SULT4A1: variants seen among roughly 807,000 people sequenced by gnomAD.
SULT4A1 encodes sulfotransferase 4A1.
Under a neutral mutation model 35.2 loss-of-function variants are expected in SULT4A1, and 11 were observed. The ratio of observed to expected loss-of-function variants is 0.31; its 90% CI spans 0.20 to 0.52. The LOEUF (loss-of-function observed/expected upper bound fraction) is 0.52, where lower values mean the gene tolerates loss of function less well. Ranked by LOEUF, SULT4A1 falls within the 20% of genes least tolerant of loss-of-function variation. SULT4A1 has a pLI of 0.97. For synonymous variants in SULT4A1, 152 were observed against 151.8 expected, an observed-to-expected ratio of 1.00 and a Z score of -0.01; for missense variants, 271 against 383.7, an observed-to-expected ratio of 0.71 and a Z score of 2.45.
chr22:43,835,300 C>T (rs890934272), intron 4 of SULT4A1, among the ~76,000 whole-genome samples: 1 of 152,230 alleles, frequency 6.6e-6, no homozygotes, highest in South Asian at 2.1e-4. Flanking sequence ...TGCCACATGC[C>T]GTGCCCACCA....
At chr22:43,830,376 T>C (rs1393469044) in intron 5 of SULT4A1, among the ~76,000 whole-genome samples, 2 of 152,228 alleles carry the variant, frequency 1.3e-5, no homozygotes, top group African/African-American at 4.8e-5. Context: ...GGCAGCTCAC[T>C]GCGGCGTGAC....
rs566952474 is a variant in SULT4A1 at position 43,843,935 on chromosome 22, T to C, written c.170-2003A>G. Among the ~76,000 whole-genome samples the C allele has an allele frequency of 2.0e-5, 3 of 152,206 alleles. No homozygotes were observed. In the South Asian group the frequency reaches 6.3e-4, roughly 32 times the overall value. ...AGGCAAAACAACCTGGGGCTTGTGG[T>C]TGGCATCAGAACTGGGGGCAGTCTT... On this transcript the variant is annotated intron_variant, in intron 1 of 6. Coordinates refer to ENST00000330884, the MANE Select transcript of SULT4A1 (RefSeq NM_014351.4).
At position 43,841,888 on chromosome 22, in the gene SULT4A1, C is replaced by T. The variant is rs920743123; in HGVS notation, c.214G>A (p.Ala72Thr). The T allele has an allele frequency of 3.1e-6, 5 of 1,613,790 alleles. No individual in the cohort carries two copies. The highest frequency in any genetic ancestry group is 1.3e-5 in the African/African-American group (1 of 74,940). Residue 72 changes from alanine (A) to threonine (T), a missense_variant, in exon 2 of 7, where the codon GCT (alanine) becomes ACT (threonine). Around this residue, in one of 3 missense-constraint regions of SULT4A1, gnomAD observed 164 missense variants for 254.1 expected, o/e 0.65. Transcript: ENST00000330884. ...QEVVYLVSQG[A>T]DPDEIGLMNI... Reference sequence around the variant, plus strand: ...ATCAAGCCGATCTCATCGGGGTCAGCGCCCTGGCTCACCAAGTAGACCACC... The same window carrying T: ...ATCAAGCCGATCTCATCGGGGTCAGTGCCCTGGCTCACCAAGTAGACCACC...
chr22:43,828,260 C>A (rs1464720971), intron 6 of SULT4A1, among the ~76,000 whole-genome samples: 1 of 152,242 alleles, frequency 6.6e-6, no homozygotes, highest in African/African-American at 2.4e-5. Context: ...TTCATACTTA[C>A]CAACAGGGGG....
chr22:43,830,085 T>C (rs1603403984), intron 5 of SULT4A1, among the ~76,000 whole-genome samples: 1 of 152,170 alleles, frequency 6.6e-6, no homozygotes, highest in Non-Finnish European at 1.5e-5. Context: ...GCAGCAGCGG[T>C]TGCAGGTCTG....
intron 1 of SULT4A1, among the ~76,000 whole-genome samples, chr22:43,842,820 G>C (rs2148291947): frequency 6.6e-6 from 1 of 152,288 alleles, no homozygotes; most frequent in South Asian, 2.1e-4. Context: ...GCTATTAACT[G>C]GGTCTGGTGG....
At chr22:43,848,472 G>A (rs1022061491) in intron 1 of SULT4A1, among the ~76,000 whole-genome samples, 5 of 152,206 alleles carry the variant, frequency 3.3e-5, no homozygotes, top group Admixed American at 3.3e-4. Flanking sequence ...AGCAGGCAAA[G>A]CAATGCCCAC....
chr22:43,836,397 C>A, intron 4 of SULT4A1, among the ~76,000 whole-genome samples: 2 of 130,020 alleles, frequency 1.5e-5, no homozygotes, highest in South Asian at 2.8e-4. Flanking sequence ...GTCTACACAG[C>A]GTCCTCACAC....
chr22:43,858,077 GAAAAAA>G (rs1285293121), intron 1 of SULT4A1, among the ~76,000 whole-genome samples: 3 of 135,888 alleles, frequency 2.2e-5, no homozygotes, highest in Admixed American at 7.4e-5. Context: ...AGGAAAGAAA[GAAAAAA>G]AAAGAAAGAA....
intron 4 of SULT4A1, among the ~76,000 whole-genome samples, chr22:43,835,730 T>A (rs2063365722): frequency 1.3e-5 from 2 of 152,146 alleles, no homozygotes. Flanking sequence ...AAACCCCACT[T>A]CATTCCAAGG....
Position 43,862,342 on chromosome 22 carries a change from T to C in SULT4A1, c.41A>G (p.Glu14Gly), listed in dbSNP as rs1469551019. ...GAACTCGAAGTACTTGCTCTCGAACTCCCCCGGGGTGCTGGGGGTCTCGGC... is the reference window on the plus strand; with the variant it reads ...GAACTCGAAGTACTTGCTCTCGAACCCCCCCGGGGTGCTGGGGGTCTCGGC... ...SEAETPSTPG[E>G]FESKYFEFHG... Residue 14 changes from glutamate (E) to glycine (G), a missense_variant, in exon 1 of 7, where the codon GAG becomes GGG. Physicochemically the swap from Glu to Gly is moderately conservative, Grantham distance 98 (BLOSUM62 -2). Coordinates refer to ENST00000330884, the MANE Select transcript of SULT4A1 (RefSeq NM_014351.4). 1 of 1,534,140 alleles carries C rather than the reference T, an allele frequency of 6.5e-7. No individual in the cohort carries two copies. The highest frequency in any genetic ancestry group is 2.7e-5 in the East Asian group (1 of 36,542).
At chr22:43,839,115 G>A (rs574642394) in intron 3 of SULT4A1, 122 bp from the exon 4 acceptor site, 27 of 1,319,730 alleles carry the variant, frequency 2.0e-5, no homozygotes, top group Non-Finnish European at 2.3e-5. Flanking sequence ...TGCTTCCAGC[G>A]TCCAGCTGGG....
At chr22:43,842,975 A>ATCTCTCTCTCTCTCTCTCTCTCTCTCTC (rs695712) in intron 1 of SULT4A1, among the ~76,000 whole-genome samples, 1 of 144,480 alleles carries the variant, frequency 6.9e-6, no homozygotes, top group African/African-American at 2.6e-5. Flanking sequence ...AGTAAACAGC[A>ATCTCTCTCTCTCTCTCTCTCTCTCTCTC]TCTCTCTCTC....
chr22:43,840,061 A>G, intron 2 of SULT4A1, 36 bp from the exon 3 acceptor site: 1 of 1,557,860 alleles, frequency 6.4e-7, no homozygotes, highest in Non-Finnish European at 8.7e-7. Context: ...GGTCAGAGGA[A>G]AGGGTGAGAC....
chr22:43,848,641 G>T (rs1273904942), intron 1 of SULT4A1, among the ~76,000 whole-genome samples: 1 of 152,262 alleles, frequency 6.6e-6, no homozygotes, highest in Non-Finnish European at 1.5e-5. Context: ...AGTGAGAGGT[G>T]GAGGAGTCCT....
chr22:43,827,345 G>C, intron 6 of SULT4A1: 5 of 985,340 alleles, frequency 5.1e-6, no homozygotes, highest in Non-Finnish European at 6.0e-6. Context: ...TTTCTCTTTG[G>C]TAACAAAAAA....
At chr22:43,857,636 A>T (rs1483885755) in intron 1 of SULT4A1, among the ~76,000 whole-genome samples, 1 of 152,228 alleles carries the variant, frequency 6.6e-6, no homozygotes, top group Non-Finnish European at 1.5e-5. Flanking sequence ...CAAAAACCCT[A>T]GACATACCAT....
chr22:43,839,360 G>A (rs531704230), intron 3 of SULT4A1, among the ~76,000 whole-genome samples: 36 of 152,342 alleles, frequency 2.4e-4, no homozygotes, highest in Admixed American at 2.2e-3. Flanking sequence ...TTGGGAGGCC[G>A]AGGTGGGTAG....
chr22:43,838,049 C>T (rs963138007), intron 4 of SULT4A1, among the ~76,000 whole-genome samples: 5 of 152,248 alleles, frequency 3.3e-5, no homozygotes, highest in Non-Finnish European at 5.9e-5. Flanking sequence ...ACACTGCCCA[C>T]TTTCTGTCCC....
Sources: gnomAD v4.1 joint callset for allele counts (sites outside exome capture counted in the v4.1 genomes callset) on GRCh38, gnomAD v4.1.1 for gene constraint, gnomAD v4.1.1 regional missense constraint, MANE v1.5 for transcripts, NCBI Gene and HGNC (gene_info 2026-07-23, HGNC 2026-07-21) for gene names.